Variants in CD163L1 observed in about 807,000 individuals in gnomAD.
CD163L1 encodes the protein CD163 molecule like 1.
Under a neutral mutation model 165.4 loss-of-function variants are expected in CD163L1, and 124 were observed. The observed-to-expected ratio is 0.75, with a 90% CI of 0.65 to 0.87. The LOEUF (loss-of-function observed/expected upper bound fraction) is 0.87, where lower values mean the gene tolerates loss of function less well. Among genes scored for constraint, CD163L1 ranks in the 40% least tolerant of loss-of-function variants. The pLI is 0.00. For missense variants in CD163L1, 1,525 were observed against 1,799.9 expected, an observed-to-expected ratio of 0.85 and a Z score of 2.76; for synonymous variants, 585 against 662.2, an observed-to-expected ratio of 0.88 and a Z score of 1.79.
At chr12:7,375,630 G>A in intron 10 of CD163L1, 35 bp from the exon 11 acceptor site, 2 of 1,610,404 alleles carry the variant, frequency 1.2e-6, no homozygotes, top group Non-Finnish European at 8.5e-7. Context: ...GAGACATCAT[G>A]ACTTATCAGC....
At chr12:7,362,485 GTA>G (rs1946920347) in intron 18 of CD163L1, among the ~76,000 whole-genome samples, 1 of 138,704 alleles carries the variant, frequency 7.2e-6, no homozygotes, top group Admixed American at 7.3e-5. Context: ...CTGTAAGATA[GTA>G]TATATTAATT....
chr12:7,321,187 A>C, the CD163L1 span, among the ~76,000 whole-genome samples: 6 of 152,318 alleles, frequency 3.9e-5, no homozygotes, highest in South Asian at 2.1e-4. Context: ...TCAAAAAAAA[A>C]TTGTCCTCTA....
chr12:7,382,049 TTA>T (rs1168250969), intron 8 of CD163L1, among the ~76,000 whole-genome samples: 4 of 147,984 alleles, frequency 2.7e-5, no homozygotes, highest in Non-Finnish European at 4.5e-5. Flanking sequence ...TATAATTGTT[TTA>T]TATATATAAT....
At chr12:7,322,752 C>T in the CD163L1 span, among the ~76,000 whole-genome samples, 1 of 152,090 alleles carries the variant, frequency 6.6e-6, no homozygotes, top group Non-Finnish European at 1.5e-5. Context: ...TCCTGCCTCC[C>T]CCTTATGCAG....
At chr12:7,353,725 T>C (rs1171129920), downstream of CD163L1, among the ~76,000 whole-genome samples, 1 of 152,104 alleles carries the variant, frequency 6.6e-6, no homozygotes, top group African/African-American at 2.4e-5. Flanking sequence ...TTCAGAATGA[T>C]AGACTTTTTC....
intron 5 of CD163L1, among the ~76,000 whole-genome samples, chr12:7,405,777 A>C (rs1010891475): frequency 6.6e-6 from 1 of 152,034 alleles, no homozygotes; most frequent in Non-Finnish European, 1.5e-5. Flanking sequence ...AGACAAACTG[A>C]CTCTCAGAGG....
Position 7,373,556 on chromosome 12 carries a change from C to T in CD163L1, c.3494G>A (p.Gly1165Asp). 6.2e-7 allele frequency: 1 copy of T among 1,614,150 alleles called. No homozygotes were observed. Among genetic ancestry groups the T allele is most frequent in the South Asian group, 1.1e-5 (1 of 91,070 alleles). Residue 1165 changes from glycine to aspartate, a missense_variant, in exon 14 of 20, where the codon GGC becomes GAC. Gly to Asp is a moderately conservative substitution (Grantham distance 94, BLOSUM62 -1). Transcript: ENST00000313599. ...GGTGATGTTCCTCCTGCCGACGCTG[C>T]CCCAGGTCCCGTTATAGAAGACTTC... ...RLEVFYNGTW[G>D]SVGRRNITTA...
chr12:7,414,660 T>C (rs1030993700), intron 4 of CD163L1, among the ~76,000 whole-genome samples: 1 of 152,054 alleles, frequency 6.6e-6, no homozygotes, highest in African/African-American at 2.4e-5. Flanking sequence ...TTATACATAA[T>C]AAGCAAATTG....
intron 18 of CD163L1, among the ~76,000 whole-genome samples, chr12:7,362,207 T>C (rs1946907796): frequency 1.5e-5 from 2 of 134,696 alleles, no homozygotes; most frequent in Admixed American, 1.5e-4. Flanking sequence ...ATATATAATA[T>C]ATCATATGTA....
Position 7,375,319 on chromosome 12 carries a change from G to A in CD163L1, c.2963C>T (p.Pro988Leu), listed in dbSNP as rs1264070009. 3 of 1,614,108 alleles carry A rather than the reference G, an allele frequency of 1.9e-6. No individual in the cohort carries two copies. The highest frequency in any genetic ancestry group is 2.5e-6 in the Non-Finnish European group (3 of 1,180,006). ...NCQMTVLGAP[P>L]CIHGNTVSVI... ...AGAGACAGTATTTCCATGGATACAGGGAGGTGCTCCAAGAACTGTCATTTG... is the reference window on the plus strand; with the variant it reads ...AGAGACAGTATTTCCATGGATACAGAGAGGTGCTCCAAGAACTGTCATTTG... Residue 988 changes from proline to leucine, a missense_variant, in exon 11 of 20, where the codon CCC becomes CTC. Coordinates refer to ENST00000313599, the MANE Select transcript of CD163L1 (RefSeq NM_174941.6).
At chr12:7,410,997 T>C (rs754336339) in intron 4 of CD163L1, among the ~76,000 whole-genome samples, 4 of 150,942 alleles carry the variant, frequency 2.7e-5, no homozygotes, top group East Asian at 1.9e-4. Flanking sequence ...AATGGTAAAA[T>C]AGCTGGAAAC....
At position 7,432,403 on chromosome 12, in the gene CD163L1, C is replaced by T. The variant is rs773885778; in HGVS notation, c.766+13G>A. On this transcript the variant is annotated intron_variant, in intron 4 of 19. Coordinates refer to ENST00000313599, the MANE Select transcript of CD163L1 (RefSeq NM_174941.6). The surrounding 1 kb of genome is among the most constrained non-coding windows in gnomAD (Gnocchi z 4.2). ...ATTGTTCCTTTCTTCTACATGATGT[C>T]TTGGGTTCTTACCATAACAAGTTAA... is the stretch of plus-strand genomic sequence containing the variant. The T allele has an allele frequency of 6.3e-7, 1 of 1,587,432 alleles. No homozygotes were observed. Among genetic ancestry groups the T allele is most frequent in the Admixed American group, 1.7e-5 (1 of 59,070 alleles).
chr12:7,407,528 C>T (rs1166748287), intron 4 of CD163L1, among the ~76,000 whole-genome samples: 1 of 151,578 alleles, frequency 6.6e-6, no homozygotes, highest in Non-Finnish European at 1.5e-5. Context: ...TATTTCCTTA[C>T]TTCTTTACAT....
In CD163L1 at chr12:7,368,967, T is replaced by TGAGA. The variant is rs59576617; in HGVS notation, c.4040-6_4040-3dup. The TGAGA allele has an allele frequency of 0.026, 40,479 of 1,540,764 alleles. 133 individuals carry two copies. The highest frequency in any genetic ancestry group is 0.057 in the Middle Eastern group (333 of 5,828). ...CATTCAGTGATTTCAGCGACTGTCC[T>TGAGA]GAGAGAGAGAGAGAGAGAGAGAGAC... On this transcript the variant is annotated splice_region_variant and splice_polypyrimidine_tract_variant and intron_variant, in intron 15 of 19. Coordinates refer to ENST00000313599, the MANE Select transcript of CD163L1 (RefSeq NM_174941.6). This position sits in a 1 kb window ranked among gnomAD's most constrained non-coding sequence, Gnocchi z 4.3.
At chr12:7,422,875 T>C (rs1948465749) in intron 4 of CD163L1, among the ~76,000 whole-genome samples, 2 of 151,570 alleles carry the variant, frequency 1.3e-5, no homozygotes, top group South Asian at 2.1e-4. Flanking sequence ...GACACAATAA[T>C]AGTGGGAGAC....
intron 17 of CD163L1, chr12:7,367,631 T>C (rs932552824): frequency 3.4e-5 from 8 of 236,712 alleles, no homozygotes; most frequent in Non-Finnish European, 5.8e-5. Context: ...GTAAGACTAT[T>C]ATTATCTTTA....
chr12:7,396,517 G>T, intron 7 of CD163L1, 102 bp from the exon 8 acceptor site: 1 of 1,079,110 alleles, frequency 9.3e-7, no homozygotes, highest in Non-Finnish European at 1.3e-6. Flanking sequence ...TCAAACACCA[G>T]TCTAGATGGT....
At chr12:7,399,173 G>A (rs896717233) in intron 6 of CD163L1, among the ~76,000 whole-genome samples, 4 of 117,572 alleles carry the variant, frequency 3.4e-5, no homozygotes, top group African/African-American at 6.6e-5. Context: ...CCTTCCTTCC[G>A]CCCTCCCTCT....
chr12:7,443,903 T>C (rs1948859660), intron 1 of CD163L1, among the ~76,000 whole-genome samples, 194 bp downstream of exon 1: 1 of 152,174 alleles, frequency 6.6e-6, no homozygotes, highest in African/African-American at 2.4e-5. Flanking sequence ...TTTTCCTCCT[T>C]TCTTGGATTT....
Sources: gnomAD v4.1 joint callset for allele counts (sites outside exome capture counted in the v4.1 genomes callset) on GRCh38, gnomAD v4.1.1 for gene constraint, Gnocchi (gnomAD v3.1) non-coding constraint, MANE v1.5 for transcripts, NCBI Gene and HGNC (gene_info 2026-07-23, HGNC 2026-07-21) for gene names.